ADAMTS17: variants seen among roughly 807,000 people sequenced by gnomAD.
ADAMTS17 encodes the protein A disintegrin and metalloproteinase with thrombospondin motifs 17.
A neutral mutation model predicts 141.5 loss-of-function variants in ADAMTS17; 113 were observed. The observed-to-expected ratio is 0.80, with a 90% CI of 0.69 to 0.93. The LOEUF (loss-of-function observed/expected upper bound fraction) is 0.93. Ranked by LOEUF, ADAMTS17 falls within the 40% of genes least tolerant of loss-of-function variation. ADAMTS17 has a pLI of 0.00. For missense variants in ADAMTS17, 1,659 were observed against 1,517.9 expected, an observed-to-expected ratio of 1.09 and a Z score of -1.54; for synonymous variants, 768 against 630.6, an observed-to-expected ratio of 1.22 and a Z score of -3.27.
At chr15:100,162,007 A>G (rs1466401192) in intron 8 of ADAMTS17, among the ~76,000 whole-genome samples, 1 of 152,236 alleles carries the variant, frequency 6.6e-6, no homozygotes, top group African/African-American at 2.4e-5. Flanking sequence ...TCAAATGCAC[A>G]TAGTACCATG....
intron 8 of ADAMTS17, among the ~76,000 whole-genome samples, chr15:100,160,653 G>A (rs541730913): frequency 7.9e-5 from 12 of 152,354 alleles, no homozygotes; most frequent in South Asian, 2.1e-4. Flanking sequence ...GTGGCCAACC[G>A]AAGCACACCA....
intron 3 of ADAMTS17, among the ~76,000 whole-genome samples, chr15:100,284,013 G>T (rs1313264621): frequency 6.6e-6 from 1 of 152,182 alleles, no homozygotes; most frequent in Non-Finnish European, 1.5e-5. Context: ...GGCGAGGCAG[G>T]ATAATTGCTT....
intron 11 of ADAMTS17, 107 bp downstream of exon 11, chr15:100,133,107 T>C (rs1482918142): frequency 7.3e-6 from 8 of 1,089,012 alleles, no homozygotes; most frequent in Non-Finnish European, 1.1e-5. Context: ...GCCTGGGGGA[T>C]GTTTCAGGGG....
At position 100,204,282 on chromosome 15, in the gene ADAMTS17, T is replaced by C. The variant is rs58075040; in HGVS notation, c.1076-4859A>G. Among the ~76,000 whole-genome samples, 1,171 of 152,348 alleles carry C rather than the reference T, an allele frequency of 7.7e-3. 21 individuals carry two copies. The highest frequency in any genetic ancestry group is 0.026 in the African/African-American group (1,081 of 41,576). ...TGCAGCTGGTGGCCTTGCTGCCCAT[T>C]AGTCCAACCTTACAGGGTCTGCCTT... is the stretch of plus-strand genomic sequence containing the variant. On this transcript the variant is annotated intron_variant, in intron 7 of 21. Coordinates refer to ENST00000268070, the MANE Select transcript of ADAMTS17 (RefSeq NM_139057.4).
At chr15:100,083,848 C>T (rs1204132749) in intron 15 of ADAMTS17, among the ~76,000 whole-genome samples, 1 of 151,466 alleles carries the variant, frequency 6.6e-6, no homozygotes, top group Non-Finnish European at 1.5e-5. Context: ...GGCTCTAGAG[C>T]AAGGGCAAGG....
chr15:100,108,330 C>T lies in ADAMTS17; in HGVS notation c.2016+659G>A, dbSNP rs146059245. ...GGGATTACAAGCGCATGCCACCATG[C>T]CCGGCTAATTTATGTTTGTATTTTT... On this transcript the variant is annotated intron_variant, in intron 14 of 21. Coordinates refer to ENST00000268070, the MANE Select transcript of ADAMTS17 (RefSeq NM_139057.4). Among the ~76,000 whole-genome samples the T allele has an allele frequency of 2.2e-3, 328 of 152,254 alleles. 1 individual carries two copies. Among genetic ancestry groups the T allele is most frequent in the Middle Eastern group, 6.8e-3 (2 of 294 alleles).
intron 2 of ADAMTS17, 178 bp downstream of exon 2, chr15:100,340,861 T>C (rs985660735): frequency 3.1e-6 from 3 of 959,244 alleles, no homozygotes; most frequent in African/African-American, 1.7e-5. Context: ...CCCCTTTGCC[T>C]ATAGAGGGTA....
rs1378159832 is a variant in ADAMTS17, at chr15:100,221,540, C to CG, written c.1076-22118dup. ...AGTAACAAACTCTGCCCTGAGATAA[C>CG]GGAAGTTCTAATATACTTCCACCTC... On this transcript the variant is annotated intron_variant, in intron 7 of 21. Transcript: ENST00000268070. 2.0e-5 allele frequency among the ~76,000 whole-genome samples: 3 copies of CG among 152,266 alleles called. No homozygotes were observed. The East Asian group carries it at 5.8e-4, about 29-fold the overall frequency.
chr15:100,085,504 T>A (rs1055992656), intron 15 of ADAMTS17, among the ~76,000 whole-genome samples: 11 of 151,688 alleles, frequency 7.3e-5, no homozygotes, highest in African/African-American at 1.9e-4. Flanking sequence ...ACCACAAAGA[T>A]ACTCCTCGAG....
rs773418364 is a variant in ADAMTS17, at chr15:99,997,559, C to T, written c.2622G>A (p.Ser874=). The T allele has an allele frequency of 3.8e-5, 62 of 1,613,306 alleles. No individual in the cohort carries two copies. The highest frequency in any genetic ancestry group is 1.6e-4 in the Middle Eastern group (1 of 6,062). Residue 874 remains serine, a synonymous_variant, in exon 19 of 22, where the codon TCG becomes TCA. Coordinates refer to ENST00000268070, the MANE Select transcript of ADAMTS17 (RefSeq NM_139057.4). The surrounding 1 kb of genome is among the most constrained non-coding windows in gnomAD (Gnocchi z 4.7). Reference sequence around the variant, plus strand: ...GCTGGAAGCCTTTCTCACAGGTCGCCGAGCAGGGGCTCCACGGGCCTGCCA... The same window carrying T: ...GCTGGAAGCCTTTCTCACAGGTCGCTGAGCAGGGGCTCCACGGGCCTGCCA... ...RWVAGPWSPC[S]ATCEKGFQHR... is the part of the protein sequence containing the mutation.
chr15:100,137,034 T>C (rs910653471), intron 10 of ADAMTS17, among the ~76,000 whole-genome samples: 32 of 152,240 alleles, frequency 2.1e-4, no homozygotes, highest in African/African-American at 7.0e-4. Context: ...ACTAAACGTT[T>C]GCTCAAGTAC....
chr15:100,181,057 C>T (rs2040506580), intron 8 of ADAMTS17, among the ~76,000 whole-genome samples: 1 of 152,246 alleles, frequency 6.6e-6, no homozygotes, highest in Non-Finnish European at 1.5e-5. Flanking sequence ...CCTCCCTCCT[C>T]TTTCACAGGC....
intron 15 of ADAMTS17, among the ~76,000 whole-genome samples, chr15:100,067,210 A>G (rs1328335661): frequency 2.0e-5 from 3 of 151,464 alleles, no homozygotes; most frequent in African/African-American, 7.3e-5. Context: ...GTCTTCCCTT[A>G]TGATATTGAG....
At chr15:100,123,275 C>T (rs1312213974) in intron 12 of ADAMTS17, among the ~76,000 whole-genome samples, 1 of 152,128 alleles carries the variant, frequency 6.6e-6, no homozygotes, top group African/African-American at 2.4e-5. Context: ...CTCTGAGCTA[C>T]GCAGTAAGGA....
chr15:100,103,009 C>T (rs758312175), intron 14 of ADAMTS17, among the ~76,000 whole-genome samples: 2 of 152,228 alleles, frequency 1.3e-5, no homozygotes, highest in Non-Finnish European at 2.9e-5. Context: ...CTGCATGACA[C>T]TTCCACCCAC....
At chr15:100,254,484 T>A (rs2043259182) in intron 6 of ADAMTS17, among the ~76,000 whole-genome samples, 1 of 152,176 alleles carries the variant, frequency 6.6e-6, no homozygotes, top group Non-Finnish European at 1.5e-5. Flanking sequence ...AAGTCACTGA[T>A]CCGAGACAAT....
At chr15:100,185,129 C>T (rs1031045475) in intron 8 of ADAMTS17, among the ~76,000 whole-genome samples, 1 of 152,192 alleles carries the variant, frequency 6.6e-6, no homozygotes, top group African/African-American at 2.4e-5. Flanking sequence ...AGTGTGGACA[C>T]TGAGACCTTA....
At chr15:100,025,832 CTG>C (rs1182833496) in intron 18 of ADAMTS17, among the ~76,000 whole-genome samples, 11 of 151,798 alleles carry the variant, frequency 7.2e-5, no homozygotes, top group Admixed American at 6.6e-4. Context: ...ATTGTGTTTT[CTG>C]TGTTTTTTAG....
At chr15:100,125,032 T>C (rs2086455) in intron 12 of ADAMTS17, among the ~76,000 whole-genome samples, 136,903 of 152,284 alleles carry the variant, frequency 0.9, 62,200 homozygotes, top group Non-Finnish European at 0.96. Flanking sequence ...CTGTATTAAA[T>C]GAAGACAGAC....
Sources: allele counts gnomAD v4.1 joint callset (sites outside exome capture counted in the v4.1 genomes callset), GRCh38; gene constraint gnomAD v4.1.1; non-coding constraint Gnocchi (gnomAD v3.1); transcripts MANE v1.5; gene names NCBI Gene and HGNC (gene_info 2026-07-23, HGNC 2026-07-21).